Variants in FICD observed in about 807,000 individuals in gnomAD.
The protein encoded by FICD is protein adenylyltransferase FICD.
In FICD, 13 loss-of-function variants were observed where a neutral mutation model predicts 28.0. The observed-to-expected ratio is 0.46, with a 90% confidence interval of 0.30 to 0.74. The LOEUF (loss-of-function observed/expected upper bound fraction) is 0.74, where lower values mean the gene tolerates loss of function less well. Among genes scored for constraint, FICD ranks in the 30% least tolerant of loss-of-function variants. The pLI is 0.07. For synonymous variants in FICD, 268 were observed against 266.4 expected (o/e 1.01, Z -0.06); for missense variants, 576 against 624.5 (o/e 0.92, Z 0.83).
Position 108,517,092 on chromosome 12 carries a change from G to A in FICD, c.120G>A (p.Leu40=). 1 of 1,610,404 alleles carries A rather than the reference G, an allele frequency of 6.2e-7. No homozygotes were observed. Among genetic ancestry groups the A allele is most frequent in the East Asian group, 2.2e-5 (1 of 44,788 alleles). The change falls in exon 2 of 3, where the codon CTG becomes CTA. Residue 40 remains leucine, a synonymous_variant. Transcript: ENST00000552695. The part of the protein sequence containing the change: ...LSMVLGSLLA[L]LLPLGAVEEQ... ...TGGTGCTGGGGTCCCTGCTGGCCCT[G>A]CTGCTGCCGCTGGGGGCTGTGGAGG...
intron 2 of FICD, chr12:108,517,522 A>C (rs1261155024): frequency 2.4e-6 from 1 of 418,370 alleles, no homozygotes; most frequent in Non-Finnish European, 4.2e-6. Flanking sequence ...GTTGTTAAGT[A>C]GGAGTCATCC....
chr12:108,518,944 C>G lies in FICD; in HGVS notation c.846C>G (p.Ile282Met). ...TCAACACGACTCTGGTTTCGCGCAT[C>G]GGCTCCGTCACCATCAGCGACGTGC... ...KYINTTLVSR[I>M]GSVTISDVLE... Residue 282 changes from isoleucine (I) to methionine (M), a missense_variant, in exon 3 of 3, where the codon ATC (isoleucine) becomes ATG (methionine). Ile to Met is a conservative substitution (Grantham distance 10, BLOSUM62 1). Coordinates refer to ENST00000552695, the MANE Select transcript of FICD (RefSeq NM_007076.3). The surrounding 1 kb of genome is among the most constrained non-coding windows in gnomAD (Gnocchi z 4.4). The G allele has an allele frequency of 6.2e-7, 1 of 1,614,192 alleles. No individual in the cohort carries two copies. The highest frequency in any genetic ancestry group is 8.5e-7 in the Non-Finnish European group (1 of 1,180,048).
At position 108,517,167 on chromosome 12, in the gene FICD, G is replaced by A. The variant is rs567586731; in HGVS notation, c.195G>A (p.Pro65=). 2.7e-5 allele frequency: 43 copies of A among 1,603,812 alleles called. No individual in the cohort carries two copies. The highest frequency in any genetic ancestry group is 4.4e-5 in the South Asian group (4 of 89,986). ...GCCTCTACCTGCTCAGGAGCAAACC[G>A]GACAGGGCGCAGCATGCCGCCACCA... ...LKGLYLLRSK[P]DRAQHAATKC... The change falls in exon 2 of 3, where the codon CCG becomes CCA. Residue 65 remains proline (P), a synonymous_variant. Coordinates refer to ENST00000552695, the MANE Select transcript of FICD (RefSeq NM_007076.3).
At position 108,516,986 on chromosome 12, in the gene FICD, C is replaced by A; in HGVS notation, c.14C>A (p.Pro5Gln). 3 of 1,515,606 alleles carry A rather than the reference C, an allele frequency of 2.0e-6. No homozygotes were observed. Among genetic ancestry groups the A allele is most frequent in the Non-Finnish European group, 2.7e-6 (3 of 1,124,268 alleles). 93.9% of individuals were successfully genotyped at this position (1,515,606 alleles called of 1,614,324 possible). A position where few individuals can be genotyped will look rare whatever the true frequency, so the allele number is the denominator to read the frequency against. Residue 5 changes from proline to glutamine, a missense_variant, in exon 2 of 3, where the codon CCA (proline) becomes CAA (glutamine). Pro to Gln is a moderately conservative substitution (Grantham distance 76, BLOSUM62 -1). Transcript: ENST00000552695. Reference sequence around the variant, plus strand: ...TCCTGAGTCCAGATGATGCTCATACCAATGGCTTCAGTGATGGCGGTGACT... The same window carrying A: ...TCCTGAGTCCAGATGATGCTCATACAAATGGCTTCAGTGATGGCGGTGACT... MMLI[P>Q]MASVMAVTEP...
chr12:108,516,534 G>A (rs919370488), intron 1 of FICD, among the ~76,000 whole-genome samples: 3 of 152,226 alleles, frequency 2.0e-5, no homozygotes, highest in South Asian at 2.1e-4. Flanking sequence ...CTTGCTCCCG[G>A]CGAGACTTTC....
At chr12:108,517,410 G>C (rs185709626) in intron 2 of FICD, 137 bp downstream of exon 2, 4 of 628,268 alleles carry the variant, frequency 6.4e-6, no homozygotes, top group Non-Finnish European at 9.7e-6. Context: ...AAGGTGATGT[G>C]ACTGAGACAG....
intron 1 of FICD, among the ~76,000 whole-genome samples, chr12:108,516,448 G>C (rs1593226307): frequency 6.6e-6 from 1 of 152,250 alleles, no homozygotes; most frequent in Admixed American, 6.5e-5. Context: ...TTTGTGGTCA[G>C]AAGCCACAGG....
chr12:108,518,713 C>A lies in FICD; in HGVS notation c.615C>A (p.Val205=). 1 of 1,614,202 alleles carries A rather than the reference C, an allele frequency of 6.2e-7. No homozygotes were observed. Among genetic ancestry groups the A allele is most frequent in the South Asian group, 1.1e-5 (1 of 91,076 alleles). The change falls in exon 3 of 3, where the codon GTC becomes GTA. Residue 205 remains valine, a synonymous_variant. Coordinates refer to ENST00000552695, the MANE Select transcript of FICD (RefSeq NM_007076.3). This position sits in a 1 kb window ranked among gnomAD's most constrained non-coding sequence, Gnocchi z 4.4. ...TCATCGACAGCAAAGTGAAGAAGGT[C>A]ATGTCCATCCCCAAGGGGAACTCAG... ...FSIIDSKVKK[V]MSIPKGNSAL... is the part of the protein sequence containing the mutation.
intron 1 of FICD, among the ~76,000 whole-genome samples, chr12:108,516,195 G>C (rs944847207): frequency 2.0e-5 from 3 of 152,164 alleles, no homozygotes; most frequent in African/African-American, 7.2e-5. Flanking sequence ...AGTTCCTTTC[G>C]AGATGCTCGA....
At position 108,517,188 on chromosome 12, in the gene FICD, C is replaced by G. The variant is rs767592137; in HGVS notation, c.216C>G (p.Ala72=). The change falls in exon 2 of 3, where the codon GCC becomes GCG. Residue 72 remains alanine (A), a synonymous_variant. Transcript: ENST00000552695. ...RSKPDRAQHA[A]TKCTSPSTEL... Reference sequence around the variant, plus strand: ...AACCGGACAGGGCGCAGCATGCCGCCACCAAGTGCACCAGCCCGTCCACGG... The same window carrying G: ...AACCGGACAGGGCGCAGCATGCCGCGACCAAGTGCACCAGCCCGTCCACGG... The G allele has an allele frequency of 6.3e-7, 1 of 1,592,678 alleles. No individual in the cohort carries two copies. Among genetic ancestry groups the G allele is most frequent in the Non-Finnish European group, 8.6e-7 (1 of 1,168,898 alleles).
chr12:108,516,532 C>CG (rs1871915400), intron 1 of FICD, among the ~76,000 whole-genome samples: 1 of 152,218 alleles, frequency 6.6e-6, no homozygotes, highest in African/African-American at 2.4e-5. Context: ...CACTTGCTCC[C>CG]GGCGAGACTT....
intron 1 of FICD, 32 bp downstream of exon 1, chr12:108,515,393 A>G (rs954406478): frequency 6.6e-6 from 1 of 152,208 alleles, no homozygotes; most frequent in African/African-American, 2.4e-5. Context: ...GGGGCTCGAG[A>G]GGATGAAGCC....
Position 108,518,629 on chromosome 12 carries a change from G to A in FICD, c.531G>A (p.Leu177=), listed in dbSNP as rs1871996537. Residue 177 remains leucine, a synonymous_variant, in exon 3 of 3, where the codon CTG becomes CTA. Transcript: ENST00000552695. The surrounding 1 kb of genome is among the most constrained non-coding windows in gnomAD (Gnocchi z 4.4). ...LTISPYHEKA[L]VNRDRTLPLV... is the part of the protein sequence containing the mutation. ...TCTCACCCTACCATGAGAAAGCACT[G>A]GTCAACCGCGATCGGACACTGCCTC... 1 of 1,614,058 alleles carries A rather than the reference G, an allele frequency of 6.2e-7. No individual in the cohort carries two copies. Among genetic ancestry groups the A allele is most frequent in the Admixed American group, 1.7e-5 (1 of 59,998 alleles).
At position 108,518,659 on chromosome 12, in the gene FICD, G is replaced by C; in HGVS notation, c.561G>C (p.Val187=). The C allele has an allele frequency of 1.2e-6, 2 of 1,614,176 alleles. 1 individual carries two copies. The highest frequency in any genetic ancestry group is 2.2e-5 in the South Asian group (2 of 91,080). ...ACCGCGATCGGACACTGCCTCTTGT[G>C]GAAGAGATCGACCAGAGGTATTTCA... is the stretch of plus-strand genomic sequence containing the variant. ...LVNRDRTLPL[V]EEIDQRYFSI... The change falls in exon 3 of 3, where the codon GTG becomes GTC. Residue 187 remains valine, a synonymous_variant. Coordinates refer to ENST00000552695, the MANE Select transcript of FICD (RefSeq NM_007076.3). The surrounding 1 kb of genome is among the most constrained non-coding windows in gnomAD (Gnocchi z 4.4).
At chr12:108,517,589 A>G (rs1247378336) in intron 2 of FICD, 2 of 420,460 alleles carry the variant, frequency 4.8e-6, no homozygotes, top group African/African-American at 2.0e-5. Flanking sequence ...GTTAGTTGTC[A>G]TAACTGACAT....
In FICD at chr12:108,520,949, AATAAGTGAAAAGAC is replaced by A. The variant is rs942940378; in HGVS notation, c.*1478_*1491del. On this transcript the variant is annotated 3_prime_UTR_variant, in exon 3 of 3. Coordinates refer to ENST00000552695, the MANE Select transcript of FICD (RefSeq NM_007076.3). ...GAGTAGTTTTTGAAAGGTTAAGAAA[AATAAGTGAAAAGAC>A]ATACACGATATATGAAATGGCTCCA... 1 of 152,368 alleles carries A rather than the reference AATAAGTGAAAAGAC, an allele frequency of 6.6e-6. No individual in the cohort carries two copies. Among genetic ancestry groups the A allele is most frequent in the African/African-American group, 2.4e-5 (1 of 41,588 alleles). 9.4% of individuals were successfully genotyped at this position (152,368 alleles called of 1,614,324 possible).
rs916852081 is a variant in FICD, at chr12:108,520,469, A to T, written c.*994A>T. Reference sequence around the variant, plus strand: ...CTGAATGGAGCAAAAACCTTCAGCCATGGCCAGGCTGCATCCCTTTGGTCC... The same window carrying T: ...CTGAATGGAGCAAAAACCTTCAGCCTTGGCCAGGCTGCATCCCTTTGGTCC... On this transcript the variant is annotated 3_prime_UTR_variant, in exon 3 of 3. Coordinates refer to ENST00000552695, the MANE Select transcript of FICD (RefSeq NM_007076.3). 6.6e-6 allele frequency: 1 copy of T among 152,226 alleles called. No individual in the cohort carries two copies. Among genetic ancestry groups the T allele is most frequent in the Non-Finnish European group, 1.5e-5 (1 of 68,038 alleles). 9.4% of individuals were successfully genotyped at this position (152,226 alleles called of 1,614,324 possible).
Position 108,519,859 on chromosome 12 carries a change from C to T in FICD, c.*384C>T, listed in dbSNP as rs76135214. On this transcript the variant is annotated 3_prime_UTR_variant, in exon 3 of 3. Coordinates refer to ENST00000552695, the MANE Select transcript of FICD (RefSeq NM_007076.3). The surrounding 1 kb of genome is among the most constrained non-coding windows in gnomAD (Gnocchi z 4.5). Reference sequence around the variant, plus strand: ...GCCCAGAGCCACTGACATAACTCCTCCAAGTGCTTCTCTGAAACAGGCTGA... The same window carrying T: ...GCCCAGAGCCACTGACATAACTCCTTCAAGTGCTTCTCTGAAACAGGCTGA... 46 of 164,624 alleles carry T rather than the reference C, an allele frequency of 2.8e-4. No individual in the cohort carries two copies. In the East Asian group the frequency reaches 7.7e-3, roughly 27 times the overall value. The allele number at this position is 164,624 out of a possible 1,614,324, so 10.2% of individuals were successfully genotyped here. A position where few individuals can be genotyped will look rare whatever the true frequency, so the allele number is the denominator to read the frequency against.
At position 108,519,078 on chromosome 12, in the gene FICD, T is replaced by G. The variant is rs1341214532; in HGVS notation, c.980T>G (p.Val327Gly). ...GHHIPPHPQD[V>G]EKQMQEFVQW... ...CACATCCCTCCCCATCCGCAGGATG[T>G]GGAAAAGCAGATGCAGGAGTTTGTA... is the stretch of plus-strand genomic sequence containing the variant. The change falls in exon 3 of 3, where the codon GTG becomes GGG. Residue 327 changes from valine to glycine, a missense_variant. By Grantham distance (109) the Val-to-Gly change is moderately radical (BLOSUM62 -3). Transcript: ENST00000552695. The surrounding 1 kb of genome is among the most constrained non-coding windows in gnomAD (Gnocchi z 4.5). 2 of 1,614,066 alleles carry G rather than the reference T, an allele frequency of 1.2e-6. No individual in the cohort carries two copies. Among genetic ancestry groups the G allele is most frequent in the Non-Finnish European group, 1.7e-6 (2 of 1,179,998 alleles).
Sources: gnomAD v4.1 joint callset for allele counts (sites outside exome capture counted in the v4.1 genomes callset) on GRCh38, gnomAD v4.1.1 for gene constraint, Gnocchi (gnomAD v3.1) non-coding constraint, MANE v1.5 for transcripts, NCBI Gene and HGNC (gene_info 2026-07-23, HGNC 2026-07-21) for gene names.